The following ARSG variants were observed in gnomAD, a reference collection of about 807,000 sequenced individuals.
ARSG encodes the protein arylsulfatase G, also known as ASG.
A neutral mutation model predicts 50.5 loss-of-function variants in ARSG; 37 were observed. That is an observed-to-expected ratio of 0.73 (90% CI 0.56 to 0.96). ARSG has a LOEUF of 0.96. ARSG is among the 50% of genes least tolerant of loss of function. The probability of loss-of-function intolerance (pLI) is 0.00; values close to 1 mark genes in which losing one functional copy is unlikely to be tolerated. For synonymous variants in ARSG, 225 were observed against 254.6 expected (o/e 0.88, Z 1.11); for missense variants, 629 against 675.3 (o/e 0.93, Z 0.76).
upstream of ARSG, among the ~76,000 whole-genome samples, chr17:68,290,451 C>A (rs2075946586): frequency 6.6e-6 from 1 of 152,248 alleles, no homozygotes; most frequent in African/African-American, 2.4e-5. Flanking sequence ...AGCCCGGGAA[C>A]CTTGAAGTTG....
intron 1 of ARSG, 61 bp downstream of exon 1, chr17:68,291,629 C>A (rs2075994781): frequency 6.6e-6 from 1 of 151,578 alleles, no homozygotes; most frequent in South Asian, 2.1e-4. Context: ...GTCCTTGGCA[C>A]AACGCCCCGA....
At chr17:68,436,442 G>A in the ARSG span, 1 of 1,613,940 alleles carries the variant, frequency 6.2e-7, no homozygotes, top group Non-Finnish European at 8.5e-7. Flanking sequence ...GATAGGCCAG[G>A]TAAGAATTGG....
chr17:68,304,591 A>G (rs1166994218), intron 1 of ARSG, among the ~76,000 whole-genome samples: 1 of 152,220 alleles, frequency 6.6e-6, no homozygotes, highest in Non-Finnish European at 1.5e-5. Flanking sequence ...AACTGGAAAA[A>G]GTGTCTGTCA....
intron 2 of ARSG, among the ~76,000 whole-genome samples, chr17:68,332,240 C>G (rs967110940): frequency 1.3e-5 from 2 of 152,178 alleles, no homozygotes; most frequent in Admixed American, 6.6e-5. Context: ...AAGAATTCAG[C>G]GATATTTCTC....
intron 2 of ARSG, among the ~76,000 whole-genome samples, chr17:68,311,762 G>A (rs1555766813): frequency 6.7e-6 from 1 of 149,876 alleles, no homozygotes; most frequent in African/African-American, 2.5e-5. Flanking sequence ...CAGCCCGGCC[G>A]ACATCTTGAT....
chr17:68,414,998 A>G (rs2082280159), intron 11 of ARSG, among the ~76,000 whole-genome samples: 1 of 152,034 alleles, frequency 6.6e-6, no homozygotes, highest in Non-Finnish European at 1.5e-5. Flanking sequence ...TGTTTCATTT[A>G]TCTTTTTTAT....
intron 2 of ARSG, among the ~76,000 whole-genome samples, chr17:68,315,218 A>G (rs557342735): frequency 1.3e-5 from 2 of 152,268 alleles, no homozygotes; most frequent in African/African-American, 4.8e-5. Context: ...AGAATCCATC[A>G]AGATTTGGCC....
At chr17:68,335,023 G>A (rs925061549) in intron 2 of ARSG, among the ~76,000 whole-genome samples, 1 of 151,982 alleles carries the variant, frequency 6.6e-6, no homozygotes, top group Non-Finnish European at 1.5e-5. Flanking sequence ...TTGAGACAGG[G>A]TCTCACTCTG....
chr17:68,287,983 CTCCTT>C (rs1382415642), upstream of ARSG, among the ~76,000 whole-genome samples: 1 of 150,374 alleles, frequency 6.7e-6, no homozygotes, highest in Non-Finnish European at 1.5e-5. Flanking sequence ...CCCTCCCTCC[CTCCTT>C]TCTTTTTTTT....
intron 9 of ARSG, among the ~76,000 whole-genome samples, chr17:68,387,112 CA>C (rs2080767043): frequency 1.4e-5 from 2 of 143,908 alleles, no homozygotes; most frequent in Admixed American, 6.8e-5. Flanking sequence ...CACACACACA[CA>C]CACACATACC....
At chr17:68,331,481 T>A (rs1046374678) in intron 2 of ARSG, among the ~76,000 whole-genome samples, 1 of 152,204 alleles carries the variant, frequency 6.6e-6, no homozygotes, top group Middle Eastern at 3.4e-3. Flanking sequence ...CCTGACCTCA[T>A]GATCTGCCCG....
chr17:68,426,240 G>GT, downstream of ARSG: 3 of 1,131,484 alleles, frequency 2.7e-6, no homozygotes, highest in Non-Finnish European at 3.9e-6. Flanking sequence ...TGACCTGGCG[G>GT]GTGGGGAGCG....
At chr17:68,421,680 C>T, downstream of ARSG, 1 of 1,571,800 alleles carries the variant, frequency 6.4e-7, no homozygotes, top group Non-Finnish European at 8.8e-7. Context: ...CCCCTTTCTG[C>T]TCACACAATT....
Position 68,420,538 on chromosome 17 carries a change from T to C in ARSG, c.*75T>C. 2 of 1,509,478 alleles carry C rather than the reference T, an allele frequency of 1.3e-6. No individual in the cohort carries two copies. The highest frequency in any genetic ancestry group is 1.4e-5 in the African/African-American group (1 of 72,456). 93.5% of individuals were successfully genotyped at this position (1,509,478 alleles called of 1,614,324 possible). Reference sequence around the variant, plus strand: ...TTGCTTCCAAATTTCATTTTTACCCTCTTTACAAACACACGCTTTAGTTTA... The same window carrying C: ...TTGCTTCCAAATTTCATTTTTACCCCCTTTACAAACACACGCTTTAGTTTA... On this transcript the variant is annotated 3_prime_UTR_variant, in exon 12 of 12. Transcript: ENST00000621439.
intron 9 of ARSG, among the ~76,000 whole-genome samples, chr17:68,394,805 A>C (rs2081161162): frequency 6.6e-6 from 1 of 152,204 alleles, no homozygotes; most frequent in Non-Finnish European, 1.5e-5. Flanking sequence ...GGCATTGAGA[A>C]GCTAGATATG....
chr17:68,292,911 G>T (rs1555756814), intron 1 of ARSG, among the ~76,000 whole-genome samples: 1 of 152,188 alleles, frequency 6.6e-6, no homozygotes, highest in East Asian at 1.9e-4. Context: ...AATTTCTCCA[G>T]ATCTGTAAAA....
chr17:68,405,698 G>A (rs765704615), intron 11 of ARSG, among the ~76,000 whole-genome samples: 77 of 152,092 alleles, frequency 5.1e-4, no homozygotes, highest in Non-Finnish European at 8.8e-4. Flanking sequence ...TGGCTGGAAT[G>A]TCCAGTACTA....
chr17:68,286,794 G>A (rs2075852284), upstream of ARSG, among the ~76,000 whole-genome samples: 1 of 151,960 alleles, frequency 6.6e-6, no homozygotes, highest in Admixed American at 6.6e-5. Flanking sequence ...GTGAGAAACA[G>A]CTGATACTTT....
intron 2 of ARSG, among the ~76,000 whole-genome samples, chr17:68,331,219 T>TTCTC (rs2077740425): frequency 3.2e-5 from 1 of 31,684 alleles, no homozygotes. Flanking sequence ...CTTTCTTTCT[T>TTCTC]TCTTTCTTTC....
Sources: gnomAD v4.1 joint callset for allele counts (sites outside exome capture counted in the v4.1 genomes callset) on GRCh38, gnomAD v4.1.1 for gene constraint, MANE v1.5 for transcripts, NCBI Gene and HGNC (gene_info 2026-07-23, HGNC 2026-07-21) for gene names.